AGAP1: variants seen among roughly 807,000 people sequenced by gnomAD.
AGAP1 encodes arf-GAP with GTPase, ANK repeat and PH domain-containing protein 1.
AGAP1 carries 29 observed loss-of-function variants against 105.3 expected under a neutral mutation model. The ratio of observed to expected loss-of-function variants is 0.28; its 90% CI spans 0.21 to 0.38. The LOEUF (loss-of-function observed/expected upper bound fraction) is 0.38, where lower values mean the gene tolerates loss of function less well. Among genes scored for constraint, AGAP1 ranks in the 10% least tolerant of loss-of-function variants. AGAP1 has a pLI of 1.00. For synonymous variants in AGAP1, 509 were observed against 485.9 expected, an observed-to-expected ratio of 1.05 and a Z score of -0.63; for missense variants, 998 against 1,165.1, an observed-to-expected ratio of 0.86 and a Z score of 2.09.
intron 1 of AGAP1, among the ~76,000 whole-genome samples, chr2:235,603,525 A>T (rs1254277593): frequency 6.6e-6 from 1 of 152,238 alleles, no homozygotes; most frequent in African/African-American, 2.4e-5. Flanking sequence ...TTAATGTAGA[A>T]TGACTAGTTA....
intron 10 of AGAP1, among the ~76,000 whole-genome samples, chr2:235,897,562 G>A (rs369875870): frequency 1.2e-4 from 18 of 152,180 alleles, no homozygotes; most frequent in African/African-American, 4.3e-4. Flanking sequence ...TATGCCGCGT[G>A]ATATGTCAGA....
chr2:235,644,666 G>A (rs952547049), intron 1 of AGAP1, among the ~76,000 whole-genome samples: 3 of 152,162 alleles, frequency 2.0e-5, no homozygotes, highest in South Asian at 2.1e-4. Context: ...AAGAGAGGCC[G>A]TGGGATTTGA....
rs1282126322 is a variant in AGAP1, at chr2:235,579,634, G to GGCGTA, written c.163+84789_163+84790insAGCGT. The stretch of plus-strand genomic sequence containing the variant: ...ACTAAAAATACAAAGAAATTAGCCG[G>GGCGTA]GCGTGGTGGTGGGCACCTGTAGTCC... On this transcript the variant is annotated intron_variant, in intron 1 of 17. Coordinates refer to ENST00000304032, the MANE Select transcript of AGAP1 (RefSeq NM_001037131.3). Among the ~76,000 whole-genome samples, 3 of 152,138 alleles carry GGCGTA rather than the reference G, an allele frequency of 2.0e-5. No homozygotes were observed. The East Asian group carries it at 5.8e-4, about 29-fold the overall frequency.
intron 6 of AGAP1, among the ~76,000 whole-genome samples, chr2:235,790,085 A>G (rs1286091068): frequency 6.6e-6 from 1 of 152,134 alleles, no homozygotes; most frequent in Non-Finnish European, 1.5e-5. Context: ...TGAATAGCTA[A>G]GTGCTGATTT....
At chr2:235,711,136 C>T (rs1028978497) in intron 2 of AGAP1, among the ~76,000 whole-genome samples, 1 of 152,256 alleles carries the variant, frequency 6.6e-6, no homozygotes, top group Non-Finnish European at 1.5e-5. Flanking sequence ...CTGCACTGCC[C>T]AGTGCCGTCA....
intron 1 of AGAP1, among the ~76,000 whole-genome samples, chr2:235,696,573 C>G (rs1049165380): frequency 1.3e-5 from 2 of 152,188 alleles, no homozygotes; most frequent in Non-Finnish European, 2.9e-5. Flanking sequence ...TCAGCCGGCT[C>G]AACAGACCTT....
rs1166364848 is a variant in AGAP1 at position 235,988,745 on chromosome 2, G to A, written c.1645+20122G>A. On this transcript the variant is annotated intron_variant, in intron 13 of 17. Transcript: ENST00000304032. The surrounding 1 kb of genome is among the most constrained non-coding windows in gnomAD (Gnocchi z 4.7). Reference sequence around the variant, plus strand: ...CCACTCTGGCCAAGACGAGCTCTCAGATTGCACTTCAGAATCGGTGATGCG... The same window carrying A: ...CCACTCTGGCCAAGACGAGCTCTCAAATTGCACTTCAGAATCGGTGATGCG... Among the ~76,000 whole-genome samples the A allele has an allele frequency of 6.6e-6, 1 of 152,138 alleles. No individual in the cohort carries two copies. Among genetic ancestry groups the A allele is most frequent in the Non-Finnish European group, 1.5e-5 (1 of 68,034 alleles).
At chr2:235,653,689 C>G (rs770182025) in intron 1 of AGAP1, among the ~76,000 whole-genome samples, 1 of 152,152 alleles carries the variant, frequency 6.6e-6, no homozygotes, top group Non-Finnish European at 1.5e-5. Context: ...GTATGTTTCA[C>G]TCAGAGCATA....
chr2:235,735,517 A>G (rs1430494252), intron 3 of AGAP1, among the ~76,000 whole-genome samples: 1 of 152,312 alleles, frequency 6.6e-6, no homozygotes, highest in East Asian at 1.9e-4. Flanking sequence ...TGGCTCTCAC[A>G]TTGTGAGACA....
In AGAP1 at chr2:235,719,230, C is replaced by G. The variant is rs1164519457; in HGVS notation, c.310+1586C>G. On this transcript the variant is annotated intron_variant, in intron 3 of 17. Transcript: ENST00000304032. This position sits in a 1 kb window ranked among gnomAD's most constrained non-coding sequence, Gnocchi z 4.9. Reference sequence around the variant, plus strand: ...GTCTCTGGCCCTGGGGTTCAGGTGTCTGGTGGGGCAGCGCTGGAGGCCCTG... The same window carrying G: ...GTCTCTGGCCCTGGGGTTCAGGTGTGTGGTGGGGCAGCGCTGGAGGCCCTG... 6.6e-6 allele frequency among the ~76,000 whole-genome samples: 1 copy of G among 152,160 alleles called. No individual in the cohort carries two copies. The highest frequency in any genetic ancestry group is 1.5e-5 in the Non-Finnish European group (1 of 68,036).
chr2:235,653,929 G>C (rs549556816), intron 1 of AGAP1, among the ~76,000 whole-genome samples: 1 of 152,042 alleles, frequency 6.6e-6, no homozygotes, highest in African/African-American at 2.4e-5. Context: ...GGTGGCAGGC[G>C]CCTGTAATCC....
chr2:235,661,541 G>C (rs528724791), intron 1 of AGAP1, among the ~76,000 whole-genome samples: 2 of 144,442 alleles, frequency 1.4e-5, no homozygotes, highest in Non-Finnish European at 2.9e-5. Context: ...GGGTGGGGGG[G>C]CTGTAGGATG....
rs572325356 is a variant in AGAP1, at chr2:235,787,924, C to T, written c.674-9835C>T. Among the ~76,000 whole-genome samples, 18 of 151,990 alleles carry T rather than the reference C, an allele frequency of 1.2e-4. No homozygotes were observed. Among genetic ancestry groups the T allele is most frequent in the African/African-American group, 2.9e-4 (12 of 41,452 alleles). On this transcript the variant is annotated intron_variant, in intron 6 of 17. Transcript: ENST00000304032. This position sits in a 1 kb window ranked among gnomAD's most constrained non-coding sequence, Gnocchi z 4.4. The stretch of plus-strand genomic sequence containing the variant: ...CCAAGAGCCATGACCATGAGCATTC[C>T]GGGACCAAGAGCAAGCAAGGCCAAG...
intron 9 of AGAP1, among the ~76,000 whole-genome samples, chr2:235,881,672 C>CCAAGCT (rs1575684405): frequency 6.6e-6 from 1 of 152,108 alleles, no homozygotes; most frequent in East Asian, 1.9e-4. Flanking sequence ...TGGGGCCTGC[C>CCAAGCT]CAAGCTCAGT....
chr2:235,525,404 G>A (rs1039220877), intron 1 of AGAP1, among the ~76,000 whole-genome samples: 1 of 150,608 alleles, frequency 6.6e-6, no homozygotes, highest in Non-Finnish European at 1.5e-5. Context: ...GACACATAAT[G>A]TGGAGGACTG....
chr2:235,654,638 G>A (rs1293441598), intron 1 of AGAP1, among the ~76,000 whole-genome samples: 2 of 152,194 alleles, frequency 1.3e-5, no homozygotes, highest in African/African-American at 2.4e-5. Flanking sequence ...TTAAAGTGAC[G>A]TGAACTAGTT....
At position 236,076,747 on chromosome 2, in the gene AGAP1, C is replaced by T. The variant is rs963796991; in HGVS notation, c.2114+27466C>T. On this transcript the variant is annotated intron_variant, in intron 16 of 17. Coordinates refer to ENST00000304032, the MANE Select transcript of AGAP1 (RefSeq NM_001037131.3). This position sits in a 1 kb window ranked among gnomAD's most constrained non-coding sequence, Gnocchi z 4.4. ...GCTATGAGCATACCTGGCAACAGACCACTTCCTAGAGAAATGCCTCCAGTG... is the reference window on the plus strand; with the variant it reads ...GCTATGAGCATACCTGGCAACAGACTACTTCCTAGAGAAATGCCTCCAGTG... Among the ~76,000 whole-genome samples the T allele has an allele frequency of 6.6e-6, 1 of 152,066 alleles. No homozygotes were observed. Among genetic ancestry groups the T allele is most frequent in the African/African-American group, 2.4e-5 (1 of 41,406 alleles).
chr2:235,871,572 A>G (rs1458970035), intron 9 of AGAP1, among the ~76,000 whole-genome samples: 1 of 152,262 alleles, frequency 6.6e-6, no homozygotes. Context: ...GCCTAGTTCC[A>G]AAGCCACTGC....
chr2:235,753,116 T>C lies in AGAP1; in HGVS notation c.673+2628T>C, dbSNP rs1953597516. ...ATTCCCCTGGGGGTCAGGATTTCAG[T>C]ATAAGAATTTGGGTTGAGTTCCATA... On this transcript the variant is annotated intron_variant, in intron 6 of 17. Coordinates refer to ENST00000304032, the MANE Select transcript of AGAP1 (RefSeq NM_001037131.3). This position sits in a 1 kb window ranked among gnomAD's most constrained non-coding sequence, Gnocchi z 4.5. 6.6e-6 allele frequency among the ~76,000 whole-genome samples: 1 copy of C among 152,076 alleles called. No homozygotes were observed. Among genetic ancestry groups the C allele is most frequent in the Non-Finnish European group, 1.5e-5 (1 of 68,008 alleles).
Sources: allele counts gnomAD v4.1 joint callset (sites outside exome capture counted in the v4.1 genomes callset), GRCh38; gene constraint gnomAD v4.1.1; non-coding constraint Gnocchi (gnomAD v3.1); transcripts MANE v1.5; gene names NCBI Gene and HGNC (gene_info 2026-07-23, HGNC 2026-07-21).